DEFB107B: variants seen among roughly 807,000 people sequenced by gnomAD.
DEFB107B encodes the protein beta-defensin 107.
intron 1 of DEFB107B, among the ~76,000 whole-genome samples, chr8:7,496,651 A>G: frequency 8.0e-6 from 1 of 124,402 alleles, no homozygotes; most frequent in African/African-American, 3.1e-5. Context: ...AAAAAAAGAA[A>G]GAAAAGATTA....
intron 1 of DEFB107B, among the ~76,000 whole-genome samples, chr8:7,507,939 T>G (rs1294191375): frequency 1.4e-5 from 2 of 145,756 alleles, no homozygotes; most frequent in Non-Finnish European, 3.0e-5. Flanking sequence ...ACAATCTCTC[T>G]GTATAACTGC....
intron 1 of DEFB107B, among the ~76,000 whole-genome samples, chr8:7,496,502 G>C (rs573008040): frequency 2.6e-5 from 4 of 151,944 alleles, no homozygotes; most frequent in Non-Finnish European, 5.9e-5. Flanking sequence ...GGGTTTCACC[G>C]TGTTAGCCAG....
intron 1 of DEFB107B, among the ~76,000 whole-genome samples, chr8:7,496,902 G>C (rs199829586): frequency 0.15 from 13,485 of 89,238 alleles, 18 homozygotes; most frequent in African/African-American, 0.17. Flanking sequence ...AAGTCTTTGC[G>C]TCTTTGAGAT....
intron 1 of DEFB107B, among the ~76,000 whole-genome samples, chr8:7,507,425 T>C (rs2128883953): frequency 1.6e-5 from 1 of 62,982 alleles, no homozygotes; most frequent in Admixed American, 2.0e-4. Context: ...CCCTGTGTTT[T>C]ACTTGCCATT....
chr8:7,502,560 A>G (rs866620031), intron 1 of DEFB107B, among the ~76,000 whole-genome samples: 3,048 of 19,432 alleles, frequency 0.16, 1,227 homozygotes, highest in African/African-American at 0.31. Flanking sequence ...TTCTTTTACT[A>G]TTTAAGTCTG....
intron 1 of DEFB107B, among the ~76,000 whole-genome samples, chr8:7,497,337 G>T (rs538532664): frequency 1.3e-5 from 2 of 152,384 alleles, no homozygotes; most frequent in South Asian, 4.1e-4. Flanking sequence ...ATATCAATGA[G>T]ACAGGAAAAT....
chr8:7,507,411 T>C (rs1811962661), intron 1 of DEFB107B, among the ~76,000 whole-genome samples: 1 of 60,176 alleles, frequency 1.7e-5, no homozygotes, highest in Non-Finnish European at 3.4e-5. Flanking sequence ...ATAAGCTGTA[T>C]GCACCCTGTG....
chr8:7,497,528 G>T (rs1399646267), intron 1 of DEFB107B, among the ~76,000 whole-genome samples: 1 of 152,076 alleles, frequency 6.6e-6, no homozygotes, highest in East Asian at 1.9e-4. Flanking sequence ...AACAGAGCCA[G>T]GGAACAATGT....
intron 1 of DEFB107B, among the ~76,000 whole-genome samples, chr8:7,508,059 C>T (rs1379592423): frequency 2.4e-4 from 2 of 8,466 alleles, no homozygotes; most frequent in African/African-American, 4.0e-4. Context: ...ATTGAACACC[C>T]TATACATGTA....
intron 1 of DEFB107B, among the ~76,000 whole-genome samples, chr8:7,496,290 C>CTTTTTTTTTTTTTTTTTTTTTTTTTTTTT (rs1171104972): frequency 6.4e-5 from 3 of 46,874 alleles, no homozygotes; most frequent in Non-Finnish European, 7.4e-5. Flanking sequence ...TCAGCATATT[C>CTTTTTTTTTTTTTTTTTTTTTTTTTTTTT]TTTTTTTTTT....
At chr8:7,508,265 C>G (rs1326280094) in intron 1 of DEFB107B, among the ~76,000 whole-genome samples, 1 of 140,216 alleles carries the variant, frequency 7.1e-6, no homozygotes, top group Non-Finnish European at 1.5e-5. Flanking sequence ...TTTGCCTTAA[C>G]TTGGCACTAA....
rs1422053176 is a variant in DEFB107B, at chr8:7,503,349, C to T, written c.71-5732C>T. Among the ~76,000 whole-genome samples, 26 of 21,514 alleles carry T rather than the reference C, an allele frequency of 1.2e-3. 10 individuals carry two copies. Among genetic ancestry groups the T allele is most frequent in the African/African-American group, 2.1e-3 (24 of 11,602 alleles). 14.1% of individuals were successfully genotyped at this position (21,514 alleles called of 152,430 possible). ...AAGCCTCCAGTTTTTGTTTTGGTAG[C>T]GGCCACTGATTTACCCACACCAGTT... On this transcript the variant is annotated intron_variant, in intron 1 of 1. Coordinates refer to ENST00000355602, the MANE Select transcript of DEFB107B (RefSeq NM_001040705.2).
intron 1 of DEFB107B, among the ~76,000 whole-genome samples, chr8:7,497,625 T>A (rs1475336281): frequency 1.3e-5 from 2 of 151,962 alleles, no homozygotes; most frequent in African/African-American, 2.4e-5. Context: ...TTTGCAGATG[T>A]CAGACAATGC....
intron 1 of DEFB107B, among the ~76,000 whole-genome samples, chr8:7,508,260 C>G (rs994816425): frequency 2.1e-5 from 3 of 140,182 alleles, no homozygotes; most frequent in Non-Finnish European, 4.5e-5. Flanking sequence ...TAGTCTTTGC[C>G]TTAACTTGGC....
chr8:7,507,936 C>G (rs1811979305), intron 1 of DEFB107B, among the ~76,000 whole-genome samples: 1 of 145,834 alleles, frequency 6.9e-6, no homozygotes, highest in Admixed American at 6.7e-5. Context: ...TTAACAATCT[C>G]TCTGTATAAC....
chr8:7,496,451 C>T (rs1280332816), intron 1 of DEFB107B, among the ~76,000 whole-genome samples: 5 of 150,876 alleles, frequency 3.3e-5, no homozygotes, highest in Non-Finnish European at 5.9e-5. Flanking sequence ...ACGCACCCGC[C>T]ACCACGCCTG....
intron 1 of DEFB107B, among the ~76,000 whole-genome samples, chr8:7,497,317 A>G (rs74728371): frequency 6.6e-6 from 1 of 152,392 alleles, no homozygotes; most frequent in East Asian, 1.9e-4. Context: ...TTTAACATGT[A>G]TAAGTAAGTA....
At chr8:7,496,564 C>T (rs1255375618) in intron 1 of DEFB107B, among the ~76,000 whole-genome samples, 3 of 150,640 alleles carry the variant, frequency 2.0e-5, no homozygotes, top group South Asian at 2.1e-4. Flanking sequence ...CCTCCCAGAG[C>T]CCTGGGATTA....
At chr8:7,504,217 CT>C (rs1811914350) in intron 1 of DEFB107B, among the ~76,000 whole-genome samples, 1 of 36,084 alleles carries the variant, frequency 2.8e-5, no homozygotes. Flanking sequence ...AGAGAGACTG[CT>C]TGTATAGTAC....
Sources: allele counts gnomAD v4.1 joint callset (sites outside exome capture counted in the v4.1 genomes callset), GRCh38; gene constraint gnomAD v4.1.1; transcripts MANE v1.5; gene names NCBI Gene and HGNC (gene_info 2026-07-23, HGNC 2026-07-21).